The following GABPB1 variants were observed in gnomAD, a reference collection of about 807,000 sequenced individuals.
GABPB1 encodes the protein GA-binding protein subunit beta-1.
GABPB1 carries 15 observed loss-of-function variants against 45.9 expected under a neutral mutation model. The observed-to-expected ratio is 0.33, with a 90% confidence interval of 0.22 to 0.50. The LOEUF is 0.50. GABPB1 is among the 20% of genes least tolerant of loss of function. GABPB1 has a pLI of 0.98. For missense variants in GABPB1, 252 were observed against 457.5 expected, an observed-to-expected ratio of 0.55 and a Z score of 4.10; for synonymous variants, 143 against 154.4, an observed-to-expected ratio of 0.93 and a Z score of 0.55.
intron 1 of GABPB1, chr15:50,354,341 G>C (rs1595866321): frequency 2.2e-6 from 1 of 447,154 alleles, no homozygotes. Context: ...CAAGGCTGTC[G>C]CTGCGGGGGC....
chr15:50,352,861 A>G (rs952671155), intron 1 of GABPB1: 1 of 152,248 alleles, frequency 6.6e-6, no homozygotes, highest in African/African-American at 2.4e-5. Flanking sequence ...TTAAATTTTT[A>G]TGCATTAATC....
intron 1 of GABPB1, among the ~76,000 whole-genome samples, chr15:50,318,416 T>A (rs1315531750): frequency 6.6e-6 from 1 of 152,198 alleles, no homozygotes; most frequent in African/African-American, 2.4e-5. Context: ...ATGGAGTTTT[T>A]TTCCCCTTTA....
At position 50,348,043 on chromosome 15, in the gene GABPB1, G is replaced by GAAGAAAAAAA. The variant is rs1555517542; in HGVS notation, c.-1+6941_-1+6942insTTTTTTTCTT. Among the ~76,000 whole-genome samples, 151 of 113,718 alleles carry GAAGAAAAAAA rather than the reference G, an allele frequency of 1.3e-3. 3 individuals are homozygous for GAAGAAAAAAA. Among genetic ancestry groups the GAAGAAAAAAA allele is most frequent in the African/African-American group, 6.0e-3 (145 of 24,186 alleles). The allele number at this position is 113,718 out of a possible 152,430, so 74.6% of individuals were successfully genotyped here. ...GGGTGACAGAGTGAAACTCCATCTG[G>GAAGAAAAAAA]AAAAAAAAAAAAAGAATCACTACTA... On this transcript the variant is annotated intron_variant, in intron 1 of 8. Transcript: ENST00000380877.
chr15:50,286,112 A>G lies in GABPB1; in HGVS notation c.955T>C (p.Cys319Arg), dbSNP rs745561777. 4 of 1,612,398 alleles carry G rather than the reference A, an allele frequency of 2.5e-6. No homozygotes were observed. Among genetic ancestry groups the G allele is most frequent in the Admixed American group, 1.7e-5 (1 of 59,830 alleles). ...ACCCGGTTTTCAATTATTTCGATAC[A>G]TTGTCTCTTAGCTGGTGGTTCTTCA... ...ISEEPPAKRQ[C>R]IEIIENRVES... The change falls in exon 8 of 9, where the codon TGT becomes CGT. Residue 319 changes from cysteine to arginine, a missense_variant. Transcript: ENST00000380877.
chr15:50,354,077 C>G, intron 1 of GABPB1: 1 of 293,800 alleles, frequency 3.4e-6, no homozygotes, highest in Non-Finnish European at 6.6e-6. Context: ...AGGCCTGTAT[C>G]ATTCCTTTGG....
chr15:50,283,159 G>A (rs996865930), intron 8 of GABPB1, among the ~76,000 whole-genome samples: 7 of 152,160 alleles, frequency 4.6e-5, no homozygotes, highest in African/African-American at 1.4e-4. Flanking sequence ...ATAGAAATCT[G>A]TTACTCCTAA....
chr15:50,342,474 G>A (rs977847755), intron 1 of GABPB1, among the ~76,000 whole-genome samples: 3 of 152,086 alleles, frequency 2.0e-5, no homozygotes, highest in Admixed American at 2.0e-4. Flanking sequence ...TATAAACACT[G>A]TAAACCTACA....
intron 1 of GABPB1, chr15:50,351,947 T>C (rs1313693786): frequency 6.6e-6 from 1 of 152,126 alleles, no homozygotes; most frequent in Admixed American, 6.6e-5. Flanking sequence ...GAAACCATAC[T>C]AGTTGTTGGG....
chr15:50,281,579 T>C (rs1467801088), intron 8 of GABPB1, among the ~76,000 whole-genome samples: 2 of 152,202 alleles, frequency 1.3e-5, no homozygotes, highest in East Asian at 3.9e-4. Flanking sequence ...AAACATCAAT[T>C]TTCTAACTGC....
chr15:50,306,433 C>T (rs1474372694), intron 2 of GABPB1, among the ~76,000 whole-genome samples: 12 of 152,062 alleles, frequency 7.9e-5, no homozygotes, highest in East Asian at 1.9e-4. Context: ...AGTTCGAGAC[C>T]AGCCTGGCCA....
At chr15:50,280,200 C>A (rs1462739852) in intron 8 of GABPB1, among the ~76,000 whole-genome samples, 4 of 152,116 alleles carry the variant, frequency 2.6e-5, no homozygotes, top group African/African-American at 9.7e-5. Flanking sequence ...TTAAGCAATG[C>A]CCAGGCCCTA....
intron 1 of GABPB1, chr15:50,349,026 A>C (rs1287609145): frequency 1.3e-5 from 2 of 152,208 alleles, no homozygotes; most frequent in Admixed American, 1.3e-4. Flanking sequence ...ATTATAAAAT[A>C]GGACTCAAAA....
At chr15:50,279,066 C>T (rs752955306) in intron 8 of GABPB1, among the ~76,000 whole-genome samples, 32 of 152,136 alleles carry the variant, frequency 2.1e-4, no homozygotes, top group Non-Finnish European at 3.7e-4. Flanking sequence ...GGCACCTGTA[C>T]TTTTATATGT....
In GABPB1 at chr15:50,286,198, A is replaced by G; in HGVS notation, c.884-15T>C. 2 of 1,487,430 alleles carry G rather than the reference A, an allele frequency of 1.3e-6. No individual in the cohort carries two copies. Among genetic ancestry groups the G allele is most frequent in the South Asian group, 1.3e-5 (1 of 76,520 alleles). The allele number at this position is 1,487,430 out of a possible 1,614,324, so 92.1% of individuals were successfully genotyped here. A position where few individuals can be genotyped will look rare whatever the true frequency, so the allele number is the denominator to read the frequency against. On this transcript the variant is annotated splice_polypyrimidine_tract_variant and intron_variant, in intron 7 of 8. Coordinates refer to ENST00000380877, the MANE Select transcript of GABPB1 (RefSeq NM_016654.5). ...TACTGTTAATACTAAAATGAAAAAAAAATTATGTATTACTTCATTTTCAGA... is the reference window on the plus strand; with the variant it reads ...TACTGTTAATACTAAAATGAAAAAAGAATTATGTATTACTTCATTTTCAGA...
intron 1 of GABPB1, chr15:50,350,879 T>C (rs930813302): frequency 1.3e-5 from 2 of 152,228 alleles, no homozygotes; most frequent in African/African-American, 4.8e-5. Context: ...TCCTTCTGCA[T>C]GACAGAACTC....
chr15:50,303,213 A>AC, intron 3 of GABPB1, 90 bp from the exon 4 acceptor site: 3 of 978,720 alleles, frequency 3.1e-6, no homozygotes, highest in Non-Finnish European at 4.5e-6. Context: ...GCTTTAAAGC[A>AC]AGAACAAATA....
At chr15:50,296,777 TTTA>T (rs2046526314) in intron 6 of GABPB1, among the ~76,000 whole-genome samples, 1 of 152,190 alleles carries the variant, frequency 6.6e-6, no homozygotes, top group Admixed American at 6.5e-5. Flanking sequence ...GACGATAGAT[TTTA>T]AAGAAACTGG....
intron 3 of GABPB1, 78 bp from the exon 4 acceptor site, chr15:50,303,201 G>A (rs1242421156): frequency 6.4e-6 from 7 of 1,088,018 alleles, no homozygotes; most frequent in Non-Finnish European, 8.0e-6. Context: ...TATTAGTTCT[G>A]TGCTTTAAAG....
At chr15:50,290,772 T>C (rs917410881) in intron 6 of GABPB1, among the ~76,000 whole-genome samples, 3 of 152,198 alleles carry the variant, frequency 2.0e-5, no homozygotes, top group South Asian at 2.1e-4. Flanking sequence ...AAATAGTGTA[T>C]GTTAACATTT....
Sources: allele counts gnomAD v4.1 joint callset (sites outside exome capture counted in the v4.1 genomes callset), GRCh38; gene constraint gnomAD v4.1.1; transcripts MANE v1.5; gene names NCBI Gene and HGNC (gene_info 2026-07-23, HGNC 2026-07-21).